Variants in FHIT observed in about 807,000 individuals in gnomAD.
The protein encoded by FHIT is fragile histidine triad diadenosine triphosphatase.
Under a neutral mutation model 17.9 loss-of-function variants are expected in FHIT, and 19 were observed. The ratio of observed to expected loss-of-function variants is 1.06; its 90% confidence interval spans 0.74 to 1.56. The LOEUF (loss-of-function observed/expected upper bound fraction) is 1.56. Ranked by LOEUF, FHIT falls within the 40% of genes most tolerant of loss-of-function variation. The pLI is 0.00. For missense variants in FHIT, 248 were observed against 189.2 expected (o/e 1.31, Z -1.82); for synonymous variants, 81 against 69.7 (o/e 1.16, Z -0.81).
intron 8 of FHIT, among the ~76,000 whole-genome samples, chr3:59,796,980 T>A (rs1010814293): frequency 1.3e-5 from 2 of 152,222 alleles, no homozygotes; most frequent in African/African-American, 4.8e-5. Context: ...CTTTGCACTC[T>A]AAAAATTTAT....
At chr3:61,238,155 T>G (rs1174133015) in intron 1 of FHIT, among the ~76,000 whole-genome samples, 1 of 152,060 alleles carries the variant, frequency 6.6e-6, no homozygotes. Flanking sequence ...ATTAACACAA[T>G]AAACAAAGCA....
At chr3:60,499,922 G>A (rs1031643250) in intron 5 of FHIT, among the ~76,000 whole-genome samples, 8 of 152,064 alleles carry the variant, frequency 5.3e-5, no homozygotes, top group African/African-American at 1.9e-4. Context: ...AAATCATGTT[G>A]TTTGTGATTT....
intron 8 of FHIT, among the ~76,000 whole-genome samples, chr3:59,830,856 A>T (rs777783353): frequency 3.3e-5 from 5 of 152,146 alleles, no homozygotes; most frequent in Non-Finnish European, 5.9e-5. Context: ...TCATTTTTTC[A>T]CTGGGTGATT....
chr3:60,116,458 C>G (rs1350247771), intron 5 of FHIT, among the ~76,000 whole-genome samples: 1 of 152,084 alleles, frequency 6.6e-6, no homozygotes, highest in Non-Finnish European at 1.5e-5. Context: ...TCTTTTCTTG[C>G]TTCTCCATAA....
At chr3:60,619,713 C>G (rs1553677612) in intron 4 of FHIT, among the ~76,000 whole-genome samples, 1 of 148,992 alleles carries the variant, frequency 6.7e-6, no homozygotes, top group African/African-American at 2.5e-5. Flanking sequence ...AACCATAGAA[C>G]TCCTAGAAAA....
intron 3 of FHIT, among the ~76,000 whole-genome samples, chr3:60,840,549 T>A (rs1702689765): frequency 6.6e-6 from 1 of 152,212 alleles, no homozygotes; most frequent in Non-Finnish European, 1.5e-5. Flanking sequence ...GGTTTTTATA[T>A]CAAGGACAAT....
At chr3:60,566,576 C>G (rs545646433) in intron 4 of FHIT, among the ~76,000 whole-genome samples, 15 of 152,166 alleles carry the variant, frequency 9.9e-5, no homozygotes, top group Non-Finnish European at 2.1e-4. Context: ...TCTCACCACT[C>G]CTATTCAACA....
intron 5 of FHIT, among the ~76,000 whole-genome samples, chr3:60,451,503 A>G (rs401810): frequency 0.042 from 6,428 of 152,280 alleles, 165 homozygotes; most frequent in Middle Eastern, 0.071. Context: ...GAAAAAAATG[A>G]AACCATATAG....
chr3:60,256,870 T>C (rs1382537761), intron 5 of FHIT, among the ~76,000 whole-genome samples: 2 of 152,214 alleles, frequency 1.3e-5, no homozygotes, highest in Admixed American at 1.3e-4. Flanking sequence ...TCCCATCATG[T>C]TCTTCAGAAA....
At chr3:60,399,555 G>T (rs978703285) in intron 5 of FHIT, among the ~76,000 whole-genome samples, 1 of 152,092 alleles carries the variant, frequency 6.6e-6, no homozygotes, top group Non-Finnish European at 1.5e-5. Context: ...TTTCGTGGTC[G>T]GTAGGCAGTT....
intron 8 of FHIT, among the ~76,000 whole-genome samples, chr3:59,917,087 G>A (rs1323891664): frequency 1.3e-5 from 2 of 152,216 alleles, no homozygotes; most frequent in Non-Finnish European, 2.9e-5. Context: ...AATATCATCA[G>A]CAATATAATG....
intron 2 of FHIT, among the ~76,000 whole-genome samples, chr3:61,117,847 A>G (rs796928305): frequency 6.6e-6 from 1 of 152,204 alleles, no homozygotes; most frequent in Non-Finnish European, 1.5e-5. Context: ...ACCAGTGCCT[A>G]GCTCAGTGTC....
intron 7 of FHIT, among the ~76,000 whole-genome samples, chr3:60,004,310 C>T (rs1699840452): frequency 6.6e-6 from 1 of 152,028 alleles, no homozygotes; most frequent in African/African-American, 2.4e-5. Flanking sequence ...GTCGGCATTA[C>T]AAATAGCAAA....
At chr3:59,759,091 A>C (rs1252402496) in intron 8 of FHIT, among the ~76,000 whole-genome samples, 1 of 151,952 alleles carries the variant, frequency 6.6e-6, no homozygotes, top group Non-Finnish European at 1.5e-5. Context: ...GTGAATAATG[A>C]GTATTTAAGT....
intron 5 of FHIT, among the ~76,000 whole-genome samples, chr3:60,437,707 T>A (rs556575940): frequency 2.6e-5 from 4 of 152,078 alleles, no homozygotes; most frequent in Non-Finnish European, 5.9e-5. Context: ...TGAGGGTATG[T>A]AGTTCTAAGA....
chr3:59,778,828 G>A lies in FHIT; in HGVS notation c.349-26507C>T, dbSNP rs143308512. On this transcript the variant is annotated intron_variant, in intron 8 of 9. Transcript: ENST00000492590. ...TTATTTACCTTAAGTTTTCTAAAGC[G>A]CTTAGAAAACAGTGAGTGGACCTGG... 2.1e-4 allele frequency among the ~76,000 whole-genome samples: 32 copies of A among 152,246 alleles called. 1 individual carries two copies. In the East Asian group the frequency reaches 3.9e-3, roughly 18 times the overall value.
At chr3:60,921,938 A>G (rs537318904) in intron 3 of FHIT, among the ~76,000 whole-genome samples, 1 of 152,226 alleles carries the variant, frequency 6.6e-6, no homozygotes. Flanking sequence ...GGCTCTGCCC[A>G]CAGTAGAAAG....
chr3:60,464,674 G>A (rs2032685129), intron 5 of FHIT, among the ~76,000 whole-genome samples: 2 of 152,046 alleles, frequency 1.3e-5, no homozygotes, highest in Non-Finnish European at 2.9e-5. Flanking sequence ...CATCCAGGTT[G>A]TTGCAAATGA....
intron 5 of FHIT, among the ~76,000 whole-genome samples, chr3:60,294,057 C>T (rs1468304081): frequency 6.6e-6 from 1 of 152,038 alleles, no homozygotes; most frequent in Non-Finnish European, 1.5e-5. Flanking sequence ...TGTTATGAGT[C>T]CTTTTCAACA....
Sources: gnomAD v4.1 joint callset for allele counts (sites outside exome capture counted in the v4.1 genomes callset) on GRCh38, gnomAD v4.1.1 for gene constraint, MANE v1.5 for transcripts, NCBI Gene and HGNC (gene_info 2026-07-23, HGNC 2026-07-21) for gene names.